Variants in STK33 observed in about 807,000 individuals in gnomAD.
STK33 encodes serine/threonine kinase 33.
STK33 carries 52 observed loss-of-function variants against 58.0 expected under a neutral mutation model. The observed-to-expected ratio is 0.90, with a 90% CI of 0.72 to 1.13. The LOEUF is 1.13. Ranked by LOEUF, STK33 falls within the 50% of genes most tolerant of loss-of-function variation. STK33 has a pLI of 0.00. For missense variants in STK33, 630 were observed against 604.2 expected (o/e 1.04, Z -0.45); for synonymous variants, 215 against 200.1 (o/e 1.07, Z -0.63).
the STK33 span, among the ~76,000 whole-genome samples, chr11:8,335,947 C>A: frequency 1.3e-5 from 2 of 152,190 alleles, no homozygotes; most frequent in Non-Finnish European, 2.9e-5. Flanking sequence ...GACCAGCATG[C>A]TGGGTCTACA....
chr11:8,340,215 A>T, the STK33 span, among the ~76,000 whole-genome samples: 3 of 152,142 alleles, frequency 2.0e-5, no homozygotes, highest in African/African-American at 7.2e-5. Flanking sequence ...GCTTCCCTTG[A>T]TTTACAAATT....
In STK33 at chr11:8,392,667, T is replaced by G. The variant is rs779550632; in HGVS notation, c.1388A>C (p.Asn463Thr). The G allele has an allele frequency of 1.9e-6, 3 of 1,614,112 alleles. No homozygotes were observed. The highest frequency in any genetic ancestry group is 1.1e-5 in the South Asian group (1 of 91,088). Residue 463 changes from asparagine (N) to threonine (T), a missense_variant, in exon 16 of 16, where the codon AAC becomes ACC. Transcript: ENST00000687296. Reference sequence around the variant, plus strand: ...GAAACTTGAACTGCACATATCAAAGTTGTCCTTACTGGTTGCAGGAAATTG... The same window carrying G: ...GAAACTTGAACTGCACATATCAAAGGTGTCCTTACTGGTTGCAGGAAATTG... ...EKQFPATSKD[N>T]FDMCSSSFTS...
At chr11:8,418,428 T>C (rs764994465) in intron 14 of STK33, among the ~76,000 whole-genome samples, 3 of 152,336 alleles carry the variant, frequency 2.0e-5, no homozygotes, top group Non-Finnish European at 1.5e-5. Flanking sequence ...TCTTATTCTT[T>C]TTTATGGCTG....
chr11:8,540,203 A>C (rs1343828603), intron 1 of STK33, among the ~76,000 whole-genome samples: 2 of 152,112 alleles, frequency 1.3e-5, no homozygotes, highest in Admixed American at 6.5e-5. Flanking sequence ...ACTGTTGGCC[A>C]GGTGTGGTAG....
At chr11:8,552,212 T>C (rs1282282575) in intron 1 of STK33, among the ~76,000 whole-genome samples, 1 of 152,240 alleles carries the variant, frequency 6.6e-6, no homozygotes, top group African/African-American at 2.4e-5. Flanking sequence ...GGGAAGGAAG[T>C]GGCACAGACT....
chr11:8,562,904 T>G (rs933414778), intron 1 of STK33, among the ~76,000 whole-genome samples: 3 of 152,178 alleles, frequency 2.0e-5, no homozygotes, highest in African/African-American at 7.2e-5. Context: ...AACAGACTAT[T>G]ACTATTTTTA....
intron 15 of STK33, among the ~76,000 whole-genome samples, chr11:8,400,420 T>C (rs200328427): frequency 0.045 from 6,808 of 152,042 alleles, 337 homozygotes; most frequent in East Asian, 0.2. Context: ...AATTCAACAA[T>C]GCTTCATGCT....
chr11:8,561,786 T>C (rs1458206709), intron 1 of STK33, among the ~76,000 whole-genome samples: 6 of 152,224 alleles, frequency 3.9e-5, no homozygotes, highest in Non-Finnish European at 8.8e-5. Flanking sequence ...GACAATGCAG[T>C]ACCTCATATA....
At chr11:8,462,988 T>C (rs889671015) in intron 7 of STK33, among the ~76,000 whole-genome samples, 22 of 152,206 alleles carry the variant, frequency 1.4e-4, no homozygotes, top group African/African-American at 5.3e-4. Flanking sequence ...TAATGGTTCT[T>C]AAGGGAGTGG....
chr11:8,359,263 T>C, the STK33 span, among the ~76,000 whole-genome samples: 1 of 152,204 alleles, frequency 6.6e-6, no homozygotes, highest in Admixed American at 6.5e-5. Context: ...CTGCTAGTTA[T>C]ATGTCAGTGC....
At chr11:8,423,734 T>A (rs529360350) in intron 14 of STK33, among the ~76,000 whole-genome samples, 1 of 152,172 alleles carries the variant, frequency 6.6e-6, no homozygotes, top group African/African-American at 2.4e-5. Flanking sequence ...CTTGTCATAT[T>A]ATTAAAATCA....
intron 6 of STK33, among the ~76,000 whole-genome samples, chr11:8,468,859 TGCAATAAA>T (rs1464022513): frequency 6.6e-6 from 1 of 152,166 alleles, no homozygotes; most frequent in Non-Finnish European, 1.5e-5. Context: ...AAGCAAAAAT[TGCAATAAA>T]GCATATAAAA....
chr11:8,352,254 A>T, the STK33 span, among the ~76,000 whole-genome samples: 1 of 152,214 alleles, frequency 6.6e-6, no homozygotes, highest in African/African-American at 2.4e-5. Context: ...AAATGAAAAC[A>T]TTGAAGGCAC....
rs757255639 is a variant in STK33 at position 8,474,714 on chromosome 11, A to AT, written c.191dup (p.Asn64LysfsTer44). 3 of 1,611,520 alleles carry AT rather than the reference A, an allele frequency of 1.9e-6. No individual in the cohort carries two copies. Among genetic ancestry groups the AT allele is most frequent in the Non-Finnish European group, 2.5e-6 (3 of 1,179,322 alleles). On this transcript the variant is annotated frameshift_variant, in exon 5 of 16. Coordinates refer to ENST00000687296, the MANE Select transcript of STK33 (RefSeq NM_001352389.2). LOFTEE classifies it high-confidence loss of function. ...TCCTGGAGGTTATATCTCTGTTGATATTTTTTTCTTTTTTTCTCTCCAGTG... is the reference window on the plus strand; with the variant it reads ...TCCTGGAGGTTATATCTCTGTTGATATTTTTTTTCTTTTTTTCTCTCCAGTG...
intron 1 of STK33, among the ~76,000 whole-genome samples, chr11:8,586,819 G>A (rs1395956432): frequency 5.1e-5 from 3 of 58,998 alleles, no homozygotes; most frequent in African/African-American, 2.2e-4. Flanking sequence ...GCAAGACTCT[G>A]TCTAAAAAAA....
chr11:8,585,747 C>T (rs1278312440), intron 1 of STK33, among the ~76,000 whole-genome samples: 4 of 151,316 alleles, frequency 2.6e-5, no homozygotes, highest in Non-Finnish European at 5.9e-5. Context: ...CCTGTCTCTA[C>T]AAAAAATACA....
At chr11:8,439,675 A>T (rs916579937) in intron 12 of STK33, among the ~76,000 whole-genome samples, 3 of 151,482 alleles carry the variant, frequency 2.0e-5, no homozygotes, top group Admixed American at 6.6e-5. Flanking sequence ...TTGAAATGTG[A>T]CCTGGAATCA....
rs1391215547 is a variant in STK33 at position 8,477,181 on chromosome 11, C to CACACACACACACACAT, written c.-227+68_-227+69insATGTGTGTGTGTGTGT. ...ACACACACACACACACACACATACA[C>CACACACACACACACAT]ATCTCTTATAAACACTTAACCTGGT... On this transcript the variant is annotated intron_variant, in intron 3 of 15. Transcript: ENST00000687296. The CACACACACACACACAT allele has an allele frequency of 2.0e-5, 3 of 149,212 alleles. No homozygotes were observed. The East Asian group carries it at 5.9e-4, about 29-fold the overall frequency. 9.2% of individuals were successfully genotyped at this position (149,212 alleles called of 1,614,324 possible).
intron 9 of STK33, among the ~76,000 whole-genome samples, chr11:8,456,037 C>T (rs947668189): frequency 2.0e-5 from 3 of 152,078 alleles, no homozygotes; most frequent in Non-Finnish European, 4.4e-5. Context: ...CTTGCCAGGG[C>T]AGATCTCCCT....
Sources: allele counts gnomAD v4.1 joint callset (sites outside exome capture counted in the v4.1 genomes callset), GRCh38; gene constraint gnomAD v4.1.1; transcripts MANE v1.5; gene names NCBI Gene and HGNC (gene_info 2026-07-23, HGNC 2026-07-21).